Variants in SLF2 observed in about 807,000 individuals in gnomAD.
SLF2 encodes the protein SMC5/6 complex localization factor 2.
A neutral mutation model predicts 124.3 loss-of-function variants in SLF2; 68 were observed. That is an observed-to-expected ratio of 0.55 (90% CI 0.45 to 0.67). The LOEUF (loss-of-function observed/expected upper bound fraction) is 0.67, where lower values mean the gene tolerates loss of function less well. Ranked by LOEUF, SLF2 falls within the 30% of genes least tolerant of loss-of-function variation. The pLI is 0.00. For synonymous variants in SLF2, 480 were observed against 478.8 expected (o/e 1.00, Z -0.03); for missense variants, 1,246 against 1,373.7 (o/e 0.91, Z 1.47).
At chr10:100,923,659 A>G (rs535317114) in intron 4 of SLF2, among the ~76,000 whole-genome samples, 2 of 152,166 alleles carry the variant, frequency 1.3e-5, no homozygotes, top group Admixed American at 6.5e-5. Flanking sequence ...TTCCAGAAGT[A>G]CCTATGGCAT....
chr10:100,923,980 T>G lies in SLF2; in HGVS notation c.979T>G (p.Ser327Ala). Residue 327 changes from serine to alanine, a missense_variant, in exon 5 of 20, where the codon TCT becomes GCT. Physicochemically the swap from Ser to Ala is moderately conservative, Grantham distance 99. Around this residue, in one of 3 missense-constraint regions of SLF2, gnomAD observed 698 missense variants for 708.9 expected, o/e 0.98. Transcript: ENST00000238961. Reference protein sequence around the residue: ...SDSWEPTSAGSKQNKFPEKRK... With the variant: ...SDSWEPTSAGAKQNKFPEKRK... ...TAACAAAAATTAAATTTTAGCAGGC[T>G]CTAAGCAGAATAAATTCCCTGAAAA... 1 of 1,537,786 alleles carries G rather than the reference T, an allele frequency of 6.5e-7. No individual in the cohort carries two copies. The highest frequency in any genetic ancestry group is 2.2e-5 in the Admixed American group (1 of 44,960).
intron 3 of SLF2, among the ~76,000 whole-genome samples, chr10:100,917,600 A>G (rs759790568): frequency 1.1e-4 from 17 of 152,088 alleles, no homozygotes; most frequent in Non-Finnish European, 2.4e-4. Context: ...TTATGTGTAG[A>G]CAGTCTTGCT....
rs1477241787 is a variant in SLF2 at position 100,916,577 on chromosome 10, CAT to C, written c.193_194del (p.Met65ValfsTer15). 7.2e-7 allele frequency: 1 copy of C among 1,380,944 alleles called. No individual in the cohort carries two copies. Among genetic ancestry groups the C allele is most frequent in the Non-Finnish European group, 9.4e-7 (1 of 1,061,394 alleles). The allele number at this position is 1,380,944 out of a possible 1,614,324, so 85.5% of individuals were successfully genotyped here. A position where few individuals can be genotyped will look rare whatever the true frequency, so the allele number is the denominator to read the frequency against. On this transcript the variant is annotated frameshift_variant, in exon 3 of 20. Transcript: ENST00000238961. LOFTEE classifies it high-confidence loss of function. ...TTTTAATTGGCTATTTAGACAGACACATGTTGGATTCACCACAAAAATCAAAC... is the reference window on the plus strand; with the variant it reads ...TTTTAATTGGCTATTTAGACAGACACGTTGGATTCACCACAAAAATCAAAC... ...FKPASKQDRHMLDSPQKSNIK... is the reference protein window; with the variant it reads ...FKPASKQDRHXLDSPQKSNIK...
In SLF2 at chr10:100,913,259, C is replaced by T. The variant is rs1292823318; in HGVS notation, c.140+9C>T. 10 of 1,587,760 alleles carry T rather than the reference C, an allele frequency of 6.3e-6. No homozygotes were observed. Among genetic ancestry groups the T allele is most frequent in the African/African-American group, 1.4e-5 (1 of 73,476 alleles). On this transcript the variant is annotated intron_variant, in intron 1 of 19. Coordinates refer to ENST00000238961, the MANE Select transcript of SLF2 (RefSeq NM_018121.4). ...GAGAGTCCTGGGGACAGGTACCGTG[C>T]AGAGGGCTTGAGAAGGGGCCGGGTC...
At chr10:100,933,766 G>A (rs926611650) in intron 9 of SLF2, among the ~76,000 whole-genome samples, 1 of 151,998 alleles carries the variant, frequency 6.6e-6, no homozygotes, top group Non-Finnish European at 1.5e-5. Flanking sequence ...TACAACCTCC[G>A]CCTCCTAGGT....
In SLF2 at chr10:100,916,985, G is replaced by T; in HGVS notation, c.600G>T (p.Gln200His). The T allele has an allele frequency of 6.2e-7, 1 of 1,614,170 alleles. No individual in the cohort carries two copies. Among genetic ancestry groups the T allele is most frequent in the African/African-American group, 1.3e-5 (1 of 75,054 alleles). ...AAACCAATGCAGACTCCAAAAAGCAGACCACAGTGGCAGAAGCTGACATCT... is the reference window on the plus strand; with the variant it reads ...AAACCAATGCAGACTCCAAAAAGCATACCACAGTGGCAGAAGCTGACATCT... ...RGKTNADSKK[Q>H]TTVAEADIFN... Residue 200 changes from glutamine (Q) to histidine (H), a missense_variant, in exon 3 of 20, where the codon CAG becomes CAT. Transcript: ENST00000238961.
At position 100,962,010 on chromosome 10, in the gene SLF2, A is replaced by G. The variant is rs2133839425; in HGVS notation, c.*98A>G. 8.7e-7 allele frequency: 1 copy of G among 1,146,358 alleles called. No individual in the cohort carries two copies. Among genetic ancestry groups the G allele is most frequent in the Middle Eastern group, 2.0e-4 (1 of 4,894 alleles). 71.0% of individuals were successfully genotyped at this position (1,146,358 alleles called of 1,614,324 possible). On this transcript the variant is annotated 3_prime_UTR_variant, in exon 20 of 20. Transcript: ENST00000238961. Reference sequence around the variant, plus strand: ...TTATTACAGAATCCAATGAATGCCAAGAAAATGTACAGCAAATGTGCCACT... The same window carrying G: ...TTATTACAGAATCCAATGAATGCCAGGAAAATGTACAGCAAATGTGCCACT...
Position 100,961,879 on chromosome 10 carries a change from G to A in SLF2, c.3489G>A (p.Gly1163=). ...EIIQNCRPTQ[G]QLHDFWVPDS ...TTTTTTCTCCTTCCCTTTTTTAGGG[G>A]CAGCTTCATGACTTCTGGGTACCAG... The change falls in exon 20 of 20, where the codon GGG becomes GGA. Residue 1163 remains glycine, a splice_region_variant and synonymous_variant. Coordinates refer to ENST00000238961, the MANE Select transcript of SLF2 (RefSeq NM_018121.4). 1 of 1,606,282 alleles carries A rather than the reference G, an allele frequency of 6.2e-7. No individual in the cohort carries two copies. Among genetic ancestry groups the A allele is most frequent in the Non-Finnish European group, 8.5e-7 (1 of 1,174,630 alleles).
At chr10:100,914,296 T>TTGTGTG (rs201890158) in intron 1 of SLF2, among the ~76,000 whole-genome samples, 1 of 129,876 alleles carries the variant, frequency 7.7e-6, no homozygotes, top group African/African-American at 2.5e-5. Context: ...ACTGTTATAA[T>TTGTGTG]TGTGTGTGTG....
chr10:100,915,549 GT>G (rs907591445), intron 1 of SLF2, among the ~76,000 whole-genome samples: 8 of 151,126 alleles, frequency 5.3e-5, no homozygotes, highest in Admixed American at 2.0e-4. Flanking sequence ...CATCTATTGA[GT>G]TTTTTTTTAG....
At position 100,924,130 on chromosome 10, in the gene SLF2, C is replaced by T; in HGVS notation, c.1129C>T (p.His377Tyr). 6 of 1,612,824 alleles carry T rather than the reference C, an allele frequency of 3.7e-6. No homozygotes were observed. In the African/African-American group the frequency reaches 5.3e-5, roughly 14 times the overall value. ...GPHQKEKFIK[H>Y]IALKTPGDVL... is the part of the protein sequence containing the mutation. ...ACATCAGAAAGAAAAATTTATAAAACATATTGCACTGAAGACACCTGGTGA... is the reference window on the plus strand; with the variant it reads ...ACATCAGAAAGAAAAATTTATAAAATATATTGCACTGAAGACACCTGGTGA... Residue 377 changes from histidine (H) to tyrosine (Y), a missense_variant, in exon 5 of 20, where the codon CAT becomes TAT. His to Tyr is a moderately conservative substitution (Grantham distance 83). This residue lies in a region of SLF2 where 698 missense variants were observed against 708.9 expected (regional missense o/e 0.98). Coordinates refer to ENST00000238961, the MANE Select transcript of SLF2 (RefSeq NM_018121.4).
chr10:100,960,760 T>C (rs1274262385), intron 19 of SLF2, among the ~76,000 whole-genome samples: 10 of 152,020 alleles, frequency 6.6e-5, no homozygotes, highest in Admixed American at 6.6e-4. Context: ...ATTTATTATG[T>C]ATATATTTTT....
intron 13 of SLF2, among the ~76,000 whole-genome samples, chr10:100,946,238 C>T (rs1286087738): frequency 6.6e-6 from 1 of 152,020 alleles, no homozygotes; most frequent in South Asian, 2.1e-4. Context: ...TATTTCCTTT[C>T]CCTGCTCATC....
chr10:100,933,093 C>T (rs1849777456), intron 9 of SLF2, among the ~76,000 whole-genome samples: 1 of 152,120 alleles, frequency 6.6e-6, no homozygotes, highest in Admixed American at 6.6e-5. Flanking sequence ...CAGAGAAAGA[C>T]CCCATATCAA....
chr10:100,925,036 G>T, intron 5 of SLF2, 64 bp downstream of exon 5: 3 of 1,456,722 alleles, frequency 2.1e-6, no homozygotes, highest in Non-Finnish European at 9.2e-7. Flanking sequence ...AGTGAAAGGG[G>T]TGGATTATCG....
Position 100,956,436 on chromosome 10 carries a change from A to T in SLF2, c.3331-15A>T. 1 of 1,581,668 alleles carries T rather than the reference A, an allele frequency of 6.3e-7. No individual in the cohort carries two copies. Among genetic ancestry groups the T allele is most frequent in the Non-Finnish European group, 8.6e-7 (1 of 1,165,616 alleles). ...CTTCAGAATTGTTTTCATCCCTTGC[A>T]TTTGTTTTGCACAGAAACACTTTGT... On this transcript the variant is annotated splice_polypyrimidine_tract_variant and intron_variant, in intron 17 of 19. Coordinates refer to ENST00000238961, the MANE Select transcript of SLF2 (RefSeq NM_018121.4).
At chr10:100,953,368 C>T (rs1017712078) in intron 17 of SLF2, among the ~76,000 whole-genome samples, 24 of 150,372 alleles carry the variant, frequency 1.6e-4, no homozygotes, top group African/African-American at 4.9e-4. Context: ...CATGGTGGCT[C>T]ATGCCTGTAA....
chr10:100,951,706 G>C (rs993881896), intron 17 of SLF2, among the ~76,000 whole-genome samples: 4 of 152,202 alleles, frequency 2.6e-5, no homozygotes, highest in African/African-American at 7.2e-5. Flanking sequence ...ATTGCTGTCA[G>C]ATGCATCTGC....
chr10:100,945,029 CA>C (rs1319540716), intron 12 of SLF2, among the ~76,000 whole-genome samples: 1 of 144,776 alleles, frequency 6.9e-6, no homozygotes, highest in African/African-American at 2.6e-5. Context: ...GACTCCGTCT[CA>C]AAAAAAAGAA....
Sources: allele counts gnomAD v4.1 joint callset (sites outside exome capture counted in the v4.1 genomes callset), GRCh38; gene constraint gnomAD v4.1.1; regional missense constraint gnomAD v4.1.1; transcripts MANE v1.5; gene names NCBI Gene and HGNC (gene_info 2026-07-23, HGNC 2026-07-21).